CMSS1: variants seen among roughly 807,000 people sequenced by gnomAD.
CMSS1 encodes the protein protein CMSS1.
In CMSS1, 33 loss-of-function variants were observed where a neutral mutation model predicts 43.5. That is an observed-to-expected ratio of 0.76 (90% CI 0.57 to 1.01). The LOEUF is 1.01. CMSS1 is among the 50% of genes least tolerant of loss of function. The pLI is 0.00. For missense variants in CMSS1, 313 were observed against 326.4 expected (o/e 0.96, Z 0.32); for synonymous variants, 115 against 117.2 (o/e 0.98, Z 0.12).
chr3:99,979,177 G>C (rs552812402), intron 1 of CMSS1, among the ~76,000 whole-genome samples: 1 of 152,126 alleles, frequency 6.6e-6, no homozygotes, highest in Non-Finnish European at 1.5e-5. Context: ...ACCTATATCA[G>C]AATATCACAC....
In CMSS1 at chr3:100,153,912, G is replaced by A. The variant is rs144331754; in HGVS notation, c.154-6518G>A. ...GTCGCCCAGGCTGGAGTGCAATGAC[G>A]CGATCTCAGCTCACTGCAACCTCTG... is the stretch of plus-strand genomic sequence containing the variant. On this transcript the variant is annotated intron_variant, in intron 2 of 9. Transcript: ENST00000421999. Among the ~76,000 whole-genome samples the A allele has an allele frequency of 3.8e-3, 565 of 150,450 alleles. 2 individuals carry two copies. The highest frequency in any genetic ancestry group is 0.013 in the African/African-American group (536 of 40,804).
At chr3:99,836,526 A>G (rs1942902969) in intron 1 of CMSS1, among the ~76,000 whole-genome samples, 1 of 152,204 alleles carries the variant, frequency 6.6e-6, no homozygotes, top group Non-Finnish European at 1.5e-5. Flanking sequence ...TGAGACAGCC[A>G]GAGAGAAAAA....
At chr3:99,973,690 G>C (rs1708888443) in intron 1 of CMSS1, among the ~76,000 whole-genome samples, 2 of 152,158 alleles carry the variant, frequency 1.3e-5, no homozygotes, top group Admixed American at 6.5e-5. Context: ...CTTCAAACTT[G>C]ATGAAAAATA....
chr3:99,857,318 A>G (rs1189483172), intron 1 of CMSS1, among the ~76,000 whole-genome samples: 1 of 152,238 alleles, frequency 6.6e-6, no homozygotes, highest in Non-Finnish European at 1.5e-5. Context: ...AGAAAGAATC[A>G]ACACTGTTGG....
chr3:99,963,774 T>G (rs974590957), intron 1 of CMSS1, among the ~76,000 whole-genome samples: 1 of 152,024 alleles, frequency 6.6e-6, no homozygotes, highest in Non-Finnish European at 1.5e-5. Flanking sequence ...CACGCCACCA[T>G]GCTCAGCTAA....
intron 1 of CMSS1, chr3:99,930,942 C>G: frequency 6.2e-7 from 1 of 1,613,682 alleles, no homozygotes; most frequent in Non-Finnish European, 8.5e-7. Context: ...TTTTTAGGCC[C>G]TTGGAAACTG....
intron 1 of CMSS1, among the ~76,000 whole-genome samples, chr3:99,827,766 C>T (rs1007053848): frequency 7.2e-5 from 11 of 152,184 alleles, no homozygotes; most frequent in East Asian, 3.9e-4. Flanking sequence ...CCACCATGCC[C>T]GGCTAATTTT....
At chr3:100,154,081 C>T (rs985177103) in intron 2 of CMSS1, among the ~76,000 whole-genome samples, 3 of 152,110 alleles carry the variant, frequency 2.0e-5, no homozygotes, top group Admixed American at 2.0e-4. Context: ...AACTCCTGAC[C>T]TCAAGTGATC....
chr3:100,032,832 ATAAT>A (rs1366583610), intron 1 of CMSS1, among the ~76,000 whole-genome samples: 1 of 152,174 alleles, frequency 6.6e-6, no homozygotes, highest in Non-Finnish European at 1.5e-5. Flanking sequence ...CAATGATAAC[ATAAT>A]TAACTATTTT....
intron 2 of CMSS1, 83 bp from the exon 3 acceptor site, chr3:100,160,347 C>A: frequency 1.4e-6 from 1 of 699,372 alleles, no homozygotes; most frequent in Non-Finnish European, 2.6e-6. Context: ...ACATGCATGG[C>A]AGAAAGTACT....
chr3:99,898,098 C>G (rs1424216246), intron 1 of CMSS1: 1 of 151,996 alleles, frequency 6.6e-6, no homozygotes, highest in Non-Finnish European at 1.5e-5. Context: ...TTATTAGACT[C>G]TCAAGGAAAC....
intron 1 of CMSS1, among the ~76,000 whole-genome samples, chr3:99,986,608 G>T (rs1028316405): frequency 2.0e-5 from 3 of 152,068 alleles, no homozygotes; most frequent in Non-Finnish European, 4.4e-5. Flanking sequence ...ATTACCAACT[G>T]CACATGGAGA....
At chr3:99,821,878 T>G (rs768481373) in intron 1 of CMSS1, among the ~76,000 whole-genome samples, 2 of 152,058 alleles carry the variant, frequency 1.3e-5, no homozygotes, top group African/African-American at 2.4e-5. Flanking sequence ...AAAACCTGTC[T>G]CTACTAAAAA....
chr3:99,971,333 CAAAAAA>C (rs34655586), intron 1 of CMSS1, among the ~76,000 whole-genome samples: 1 of 121,522 alleles, frequency 8.2e-6, no homozygotes, highest in Non-Finnish European at 1.7e-5. Flanking sequence ...GAGCCCATCT[CAAAAAA>C]AAAAAAAAAA....
At chr3:99,856,098 G>GCTGCT (rs71130096) in intron 1 of CMSS1, among the ~76,000 whole-genome samples, 17,332 of 151,266 alleles carry the variant, frequency 0.11, 1,309 homozygotes, top group Non-Finnish European at 0.17. Flanking sequence ...TGCTGCTCTT[G>GCTGCT]CTGCTCTGCT....
chr3:100,120,960 A>C (rs577167281), intron 1 of CMSS1, among the ~76,000 whole-genome samples: 1 of 152,230 alleles, frequency 6.6e-6, no homozygotes, highest in East Asian at 1.9e-4. Context: ...GGGCTATGGC[A>C]TCCAGCTTTG....
intron 1 of CMSS1, among the ~76,000 whole-genome samples, chr3:99,946,593 G>T (rs541154996): frequency 1.3e-5 from 2 of 152,174 alleles, no homozygotes; most frequent in Admixed American, 6.5e-5. Flanking sequence ...AAAAGCAAAT[G>T]ATGCCATTTT....
At chr3:99,824,876 A>T (rs891169296) in intron 1 of CMSS1, among the ~76,000 whole-genome samples, 1 of 152,234 alleles carries the variant, frequency 6.6e-6, no homozygotes, top group Non-Finnish European at 1.5e-5. Flanking sequence ...GAGATTGCTG[A>T]AATGAGCTTT....
At chr3:100,162,094 T>C (rs1026576965) in intron 3 of CMSS1, among the ~76,000 whole-genome samples, 2 of 152,202 alleles carry the variant, frequency 1.3e-5, no homozygotes, top group Non-Finnish European at 2.9e-5. Flanking sequence ...TACAGGGAGC[T>C]TTCTAGATCA....
Sources: gnomAD v4.1 joint callset for allele counts (sites outside exome capture counted in the v4.1 genomes callset) on GRCh38, gnomAD v4.1.1 for gene constraint, MANE v1.5 for transcripts, NCBI Gene and HGNC (gene_info 2026-07-23, HGNC 2026-07-21) for gene names.